The following PLEKHA5 variants were observed in gnomAD, a reference collection of about 807,000 sequenced individuals.
PLEKHA5 encodes the protein pleckstrin homology domain containing A5, also known as pleckstrin homology domain-containing family A member 5.
PLEKHA5 carries 55 observed loss-of-function variants against 181.9 expected under a neutral mutation model. The ratio of observed to expected loss-of-function variants is 0.30; its 90% confidence interval spans 0.24 to 0.38. The LOEUF is 0.38. Ranked by LOEUF, PLEKHA5 falls within the 10% of genes least tolerant of loss-of-function variation. The pLI, the probability that PLEKHA5 is intolerant of heterozygous loss-of-function variation, is 1.00. For missense variants in PLEKHA5, 1,432 were observed against 1,549.5 expected, an observed-to-expected ratio of 0.92 and a Z score of 1.27; for synonymous variants, 535 against 529.4, an observed-to-expected ratio of 1.01 and a Z score of -0.15.
Position 19,274,330 on chromosome 12 carries a change from C to A in PLEKHA5, c.846-186C>A, listed in dbSNP as rs1402512076. 2.0e-5 allele frequency among the ~76,000 whole-genome samples: 3 copies of A among 152,164 alleles called. No homozygotes were observed. The East Asian group carries it at 5.8e-4, about 29-fold the overall frequency. On this transcript the variant is annotated intron_variant, in intron 10 of 31. Transcript: ENST00000429027. Reference sequence around the variant, plus strand: ...TTCTTTTTCCCCCTTTCTGTTTATACATTCTGGTGTTGTGCTTGAATGTTA... The same window carrying A: ...TTCTTTTTCCCCCTTTCTGTTTATAAATTCTGGTGTTGTGCTTGAATGTTA...
intron 3 of PLEKHA5, among the ~76,000 whole-genome samples, chr12:19,203,640 A>G (rs1002165646): frequency 2.0e-5 from 3 of 151,992 alleles, no homozygotes; most frequent in Non-Finnish European, 4.4e-5. Context: ...TCTTTTCTCT[A>G]AACTCTCAAG....
intron 3 of PLEKHA5, chr12:19,205,494 C>A: frequency 2.7e-6 from 1 of 367,574 alleles, no homozygotes; most frequent in Non-Finnish European, 3.8e-6. Flanking sequence ...GTCAGTTATT[C>A]CTAGCTAGTC....
chr12:19,215,769 C>G (rs1187285243), intron 3 of PLEKHA5, among the ~76,000 whole-genome samples: 1 of 152,108 alleles, frequency 6.6e-6, no homozygotes, highest in African/African-American at 2.4e-5. Context: ...AATATAATAT[C>G]AATAGCTTGA....
intron 3 of PLEKHA5, among the ~76,000 whole-genome samples, chr12:19,197,570 C>T (rs527673261): frequency 7.2e-4 from 110 of 152,190 alleles, no homozygotes; most frequent in Non-Finnish European, 1.1e-3. Flanking sequence ...CTTGTCTTCT[C>T]TGATAGAAGC....
intron 29 of PLEKHA5, 86 bp from the exon 30 acceptor site, chr12:19,365,878 G>A (rs2095410399): frequency 1.3e-6 from 1 of 764,082 alleles, no homozygotes; most frequent in Non-Finnish European, 2.0e-6. Flanking sequence ...TTAAACATAG[G>A]TGGTGGCATC....
chr12:19,363,593 G>C (rs2095331398), intron 29 of PLEKHA5, among the ~76,000 whole-genome samples: 1 of 151,854 alleles, frequency 6.6e-6, no homozygotes, highest in Non-Finnish European at 1.5e-5. Context: ...CTGGGTTCAA[G>C]CGATTCTCCT....
chr12:19,135,065 A>T (rs920402604), intron 3 of PLEKHA5, among the ~76,000 whole-genome samples: 1 of 152,178 alleles, frequency 6.6e-6, no homozygotes, highest in African/African-American at 2.4e-5. Context: ...CCCTTTGACT[A>T]TTCCTAATCC....
At chr12:19,135,814 A>G (rs1287971206) in intron 3 of PLEKHA5, among the ~76,000 whole-genome samples, 1 of 152,016 alleles carries the variant, frequency 6.6e-6, no homozygotes, top group South Asian at 2.1e-4. Flanking sequence ...AATATGTAAT[A>G]TAGAGAATGT....
chr12:19,367,832 C>T (rs1266469517), intron 30 of PLEKHA5, among the ~76,000 whole-genome samples: 4 of 151,572 alleles, frequency 2.6e-5, no homozygotes, highest in South Asian at 2.1e-4. Context: ...GTGATCCGCC[C>T]GCCTCGGCCT....
intron 20 of PLEKHA5, among the ~76,000 whole-genome samples, chr12:19,334,226 G>A (rs1463695511): frequency 6.6e-6 from 1 of 152,132 alleles, no homozygotes; most frequent in Non-Finnish European, 1.5e-5. Flanking sequence ...TGGTAATCAT[G>A]TTTGAGGAGC....
intron 3 of PLEKHA5, among the ~76,000 whole-genome samples, chr12:19,177,354 A>G (rs1269948427): frequency 1.3e-5 from 2 of 152,202 alleles, no homozygotes; most frequent in African/African-American, 4.8e-5. Context: ...TTGAGTGCAT[A>G]TGACTACCAG....
chr12:19,156,623 T>G (rs969070760), intron 3 of PLEKHA5, among the ~76,000 whole-genome samples: 1 of 151,998 alleles, frequency 6.6e-6, no homozygotes, highest in Non-Finnish European at 1.5e-5. Flanking sequence ...TCATCGTGCA[T>G]GTATTTGGTA....
chr12:19,197,676 CTGTGTGTGTG>C (rs3056412), intron 3 of PLEKHA5, among the ~76,000 whole-genome samples: 9,797 of 110,898 alleles, frequency 0.088, 498 homozygotes, highest in Admixed American at 0.17. Flanking sequence ...CTATCCGGTG[CTGTGTGTGTG>C]TGTGTGTGTG....
Position 19,129,755 on chromosome 12 carries a change from G to A in PLEKHA5, c.-45G>A. 1 of 1,465,678 alleles carries A rather than the reference G, an allele frequency of 6.8e-7. No homozygotes were observed. The highest frequency in any genetic ancestry group is 9.4e-7 in the Non-Finnish European group (1 of 1,060,576). 90.8% of individuals were successfully genotyped at this position (1,465,678 alleles called of 1,614,324 possible). A position where few individuals can be genotyped will look rare whatever the true frequency, so the allele number is the denominator to read the frequency against. The stretch of plus-strand genomic sequence containing the variant: ...CTCGTTCCCTCCTCCCTCGGCAGCC[G>A]CGGCGGCAGCAGGAGAAGGCGGCGG... On this transcript the variant is annotated 5_prime_UTR_variant, in exon 1 of 32. Transcript: ENST00000429027.
At chr12:19,202,657 T>G (rs566529216) in intron 3 of PLEKHA5, among the ~76,000 whole-genome samples, 3 of 151,514 alleles carry the variant, frequency 2.0e-5, no homozygotes, top group Non-Finnish European at 4.4e-5. Context: ...CCTAACAAAC[T>G]CCAATTGTGA....
At chr12:19,286,342 T>C (rs1455629296) in intron 12 of PLEKHA5, among the ~76,000 whole-genome samples, 1 of 152,204 alleles carries the variant, frequency 6.6e-6, no homozygotes, top group Non-Finnish European at 1.5e-5. Flanking sequence ...GTTTCAGATA[T>C]CACTTTGTAA....
intron 31 of PLEKHA5, chr12:19,372,080 A>T (rs1408905226): frequency 6.6e-6 from 1 of 151,676 alleles, no homozygotes; most frequent in Non-Finnish European, 1.5e-5. Context: ...GGCTCACTGC[A>T]ACCTCCTCCT....
chr12:19,148,297 T>TC (rs1022487637), intron 3 of PLEKHA5, among the ~76,000 whole-genome samples: 10 of 152,210 alleles, frequency 6.6e-5, no homozygotes, highest in African/African-American at 1.9e-4. Context: ...CCTCAAGTGA[T>TC]CCACCCGCCT....
rs1439791794 is a variant in PLEKHA5, at chr12:19,225,830, T to C, written c.228-28110T>C. 2.0e-5 allele frequency among the ~76,000 whole-genome samples: 3 copies of C among 152,180 alleles called. No individual in the cohort carries two copies. In the East Asian group the frequency reaches 5.8e-4, roughly 29 times the overall value. Reference sequence around the variant, plus strand: ...TGAATGTAGACTCACATTTTAAGTCTTCTTAGAGGGCTGGAAGTAATGAAG... The same window carrying C: ...TGAATGTAGACTCACATTTTAAGTCCTCTTAGAGGGCTGGAAGTAATGAAG... On this transcript the variant is annotated intron_variant, in intron 3 of 31. Transcript: ENST00000429027.
Sources: allele counts gnomAD v4.1 joint callset (sites outside exome capture counted in the v4.1 genomes callset), GRCh38; gene constraint gnomAD v4.1.1; transcripts MANE v1.5; gene names NCBI Gene and HGNC (gene_info 2026-07-23, HGNC 2026-07-21).